Variants in PRKCE observed in about 807,000 individuals in gnomAD.
The protein encoded by PRKCE is protein kinase C epsilon.
A neutral mutation model predicts 85.4 loss-of-function variants in PRKCE; 16 were observed. That is an observed-to-expected ratio of 0.19 (90% CI 0.13 to 0.28). PRKCE has a LOEUF of 0.28. Among genes scored for constraint, PRKCE ranks in the 10% least tolerant of loss-of-function variants. PRKCE has a pLI of 1.00. For missense variants in PRKCE, 573 were observed against 975.2 expected (o/e 0.59, Z 5.49); for synonymous variants, 388 against 371.5 (o/e 1.04, Z -0.51).
chr2:45,906,897 G>C (rs78156687), intron 2 of PRKCE, among the ~76,000 whole-genome samples: 1,960 of 152,320 alleles, frequency 0.013, 39 homozygotes, highest in African/African-American at 0.044. Flanking sequence ...CCTGCGCTTG[G>C]CTGGGACAGT....
chr2:45,959,729 C>G (rs995119418), intron 2 of PRKCE, among the ~76,000 whole-genome samples: 1 of 152,144 alleles, frequency 6.6e-6, no homozygotes, highest in African/African-American at 2.4e-5. Flanking sequence ...TATATTTGCT[C>G]CGGAATCATC....
chr2:45,661,524 TTTTTTG>T (rs1340699956), intron 1 of PRKCE, among the ~76,000 whole-genome samples: 20 of 45,182 alleles, frequency 4.4e-4, no homozygotes, highest in African/African-American at 9.2e-4. Context: ...TTGTTTTTTG[TTTTTTG>T]TTTTTTTTTT....
chr2:45,988,809 G>T (rs1703558827), intron 6 of PRKCE, among the ~76,000 whole-genome samples: 1 of 152,150 alleles, frequency 6.6e-6, no homozygotes, highest in African/African-American at 2.4e-5. Context: ...GGCATTTGTA[G>T]CCTTTTCATT....
intron 1 of PRKCE, among the ~76,000 whole-genome samples, chr2:45,715,540 C>G (rs1341850600): frequency 6.6e-6 from 1 of 152,192 alleles, no homozygotes; most frequent in African/African-American, 2.4e-5. Flanking sequence ...CACAGGGTTT[C>G]TAAGGAGCAA....
At chr2:46,127,439 G>A (rs1374931242) in intron 11 of PRKCE, among the ~76,000 whole-genome samples, 5 of 152,196 alleles carry the variant, frequency 3.3e-5, no homozygotes, top group Non-Finnish European at 5.9e-5. Flanking sequence ...CACAGTCATG[G>A]CAATATTCAT....
intron 1 of PRKCE, among the ~76,000 whole-genome samples, chr2:45,806,221 C>A (rs931413265): frequency 2.0e-5 from 3 of 152,148 alleles, no homozygotes; most frequent in Admixed American, 6.5e-5. Flanking sequence ...TCCTGGCTGG[C>A]ACGTGAACCA....
At chr2:45,818,408 C>T (rs1343521835) in intron 1 of PRKCE, among the ~76,000 whole-genome samples, 2 of 152,042 alleles carry the variant, frequency 1.3e-5, no homozygotes, top group African/African-American at 4.8e-5. Flanking sequence ...AGATCAATAC[C>T]CCACCGGAAG....
chr2:46,023,561 G>A (rs1447738538), intron 10 of PRKCE, among the ~76,000 whole-genome samples: 1 of 152,212 alleles, frequency 6.6e-6, no homozygotes, highest in African/African-American at 2.4e-5. Context: ...TGTGTCCTCA[G>A]GAGTTTGATA....
chr2:46,184,335 T>G lies in PRKCE; in HGVS notation c.2068-400T>G, dbSNP rs1680282485. ...ACCTCTGAGAGGGGATTCAGATCTG[T>G]TCCCTGGGTCACAGGGAGGAATGTT... On this transcript the variant is annotated intron_variant, in intron 14 of 14. Transcript: ENST00000306156. The surrounding 1 kb of genome is among the most constrained non-coding windows in gnomAD (Gnocchi z 5.0). 6.6e-6 allele frequency among the ~76,000 whole-genome samples: 1 copy of G among 151,998 alleles called. No individual in the cohort carries two copies. The highest frequency in any genetic ancestry group is 2.1e-4 in the South Asian group (1 of 4,796).
intron 6 of PRKCE, among the ~76,000 whole-genome samples, chr2:45,986,483 C>A (rs1414837530): frequency 6.6e-6 from 1 of 151,990 alleles, no homozygotes; most frequent in East Asian, 1.9e-4. Flanking sequence ...GGAGGGCAAG[C>A]CTGGCTACCA....
At chr2:46,032,964 C>T (rs1035547783) in intron 10 of PRKCE, among the ~76,000 whole-genome samples, 12 of 152,044 alleles carry the variant, frequency 7.9e-5, no homozygotes, top group Admixed American at 7.2e-4. Context: ...TTGAAGTAGC[C>T]GTCAGTGGTG....
chr2:45,757,767 C>A (rs1684129221), intron 1 of PRKCE, among the ~76,000 whole-genome samples: 1 of 152,150 alleles, frequency 6.6e-6, no homozygotes, highest in South Asian at 2.1e-4. Flanking sequence ...TCCCATCCCC[C>A]ACATGGAATT....
chr2:45,890,267 T>C (rs1695623204), intron 2 of PRKCE, among the ~76,000 whole-genome samples: 1 of 152,208 alleles, frequency 6.6e-6, no homozygotes, highest in Non-Finnish European at 1.5e-5. Flanking sequence ...TGGCCAGTCT[T>C]GCTTCATCTG....
intron 2 of PRKCE, among the ~76,000 whole-genome samples, chr2:45,860,380 G>C (rs1410341399): frequency 3.9e-5 from 6 of 152,222 alleles, no homozygotes; most frequent in Non-Finnish European, 8.8e-5. Flanking sequence ...GATGGGTGGA[G>C]TCAGAGGAAG....
At position 45,652,482 on chromosome 2, in the gene PRKCE, C is replaced by T. The variant is rs1675167667; in HGVS notation, c.348+34C>T. 1 of 1,554,122 alleles carries T rather than the reference C, an allele frequency of 6.4e-7. No homozygotes were observed. On this transcript the variant is annotated intron_variant, in intron 1 of 14. Coordinates refer to ENST00000306156, the MANE Select transcript of PRKCE (RefSeq NM_005400.3). The surrounding 1 kb of genome is among the most constrained non-coding windows in gnomAD (Gnocchi z 7.7). ...GGCGCCTCCCCGTCATTCCGGGAAC[C>T]CGGTTGTGGGGTCCCGGGGAAAGAC...
At chr2:45,695,829 C>A (rs980333560) in intron 1 of PRKCE, among the ~76,000 whole-genome samples, 6 of 152,152 alleles carry the variant, frequency 3.9e-5, no homozygotes, top group African/African-American at 1.4e-4. Context: ...TGCAAGGTCT[C>A]ATGGGGAAGA....
intron 2 of PRKCE, among the ~76,000 whole-genome samples, chr2:45,844,763 C>A (rs1254530435): frequency 6.6e-6 from 1 of 152,160 alleles, no homozygotes; most frequent in East Asian, 1.9e-4. Context: ...TTTTCTCTTT[C>A]TTTGAAAAGA....
At position 46,184,810 on chromosome 2, in the gene PRKCE, G is replaced by A. The variant is rs779384761; in HGVS notation, c.2143G>A (p.Ala715Thr). 1 of 1,599,796 alleles carries A rather than the reference G, an allele frequency of 6.3e-7. No homozygotes were observed. The highest frequency in any genetic ancestry group is 1.1e-5 in the South Asian group (1 of 91,088). The change falls in exon 15 of 15, where the codon GCA becomes ACA. Residue 715 changes from alanine to threonine, a missense_variant. Physicochemically the swap from Ala to Thr is moderately conservative, Grantham distance 58. Transcript: ENST00000306156. The surrounding 1 kb of genome is among the most constrained non-coding windows in gnomAD (Gnocchi z 5.0). ...EEPVLTLVDE[A>T]IVKQINQEEF... ...GCCGGTACTCACCCTTGTGGACGAA[G>A]CAATTGTAAAGCAGATCAACCAGGA... is the stretch of plus-strand genomic sequence containing the variant.
intron 1 of PRKCE, among the ~76,000 whole-genome samples, chr2:45,782,303 T>C (rs1227956053): frequency 1.3e-5 from 2 of 152,144 alleles, no homozygotes; most frequent in Non-Finnish European, 2.9e-5. Flanking sequence ...CTTAGGTTTT[T>C]TCAGGGAGGC....
Sources: allele counts gnomAD v4.1 joint callset (sites outside exome capture counted in the v4.1 genomes callset), GRCh38; gene constraint gnomAD v4.1.1; non-coding constraint Gnocchi (gnomAD v3.1); transcripts MANE v1.5; gene names NCBI Gene and HGNC (gene_info 2026-07-23, HGNC 2026-07-21).